The following MALT1 variants were observed in gnomAD, a reference collection of about 807,000 sequenced individuals.
MALT1 encodes the protein mucosa-associated lymphoid tissue lymphoma translocation protein 1.
Under a neutral mutation model 85.5 loss-of-function variants are expected in MALT1, and 36 were observed. That is an observed-to-expected ratio of 0.42 (90% CI 0.32 to 0.56). MALT1 has a LOEUF of 0.56. MALT1 is among the 20% of genes least tolerant of loss of function. The pLI, the probability that MALT1 is intolerant of heterozygous loss-of-function variation, is 0.10. For synonymous variants in MALT1, 359 were observed against 361.3 expected, an observed-to-expected ratio of 0.99 and a Z score of 0.07; for missense variants, 716 against 981.6, an observed-to-expected ratio of 0.73 and a Z score of 3.62.
chr18:58,680,178 T>G (rs1469316965), intron 1 of MALT1, among the ~76,000 whole-genome samples: 1 of 152,236 alleles, frequency 6.6e-6, no homozygotes, highest in Non-Finnish European at 1.5e-5. Flanking sequence ...CAGAGTTTAC[T>G]CTCCATGTAT....
intron 2 of MALT1, among the ~76,000 whole-genome samples, chr18:58,682,390 G>A (rs1236327777): frequency 6.6e-6 from 1 of 152,158 alleles, no homozygotes; most frequent in Non-Finnish European, 1.5e-5. Context: ...AGCAGGTTTG[G>A]CTTCAAGAGA....
At chr18:58,735,097 G>C (rs1487480070) in intron 12 of MALT1, 105 bp from the exon 13 acceptor site, 1 of 967,722 alleles carries the variant, frequency 1.0e-6, no homozygotes, top group Non-Finnish European at 1.5e-6. Flanking sequence ...CCACCATTCT[G>C]CTGGGTGCTT....
intron 1 of MALT1, chr18:58,672,103 G>T: frequency 6.0e-6 from 2 of 331,644 alleles, no homozygotes; most frequent in Admixed American, 4.9e-5. Context: ...CTCGCTCCCT[G>T]TTCCCACCCC....
intron 14 of MALT1, 115 bp downstream of exon 14, chr18:58,742,129 C>T (rs2055310308): frequency 1.5e-6 from 1 of 680,318 alleles, no homozygotes; most frequent in African/African-American, 1.8e-5. Context: ...TTTTGGCCTA[C>T]TAGGCAAATC....
At chr18:58,698,213 C>A (rs1299341835) in intron 3 of MALT1, among the ~76,000 whole-genome samples, 2 of 151,760 alleles carry the variant, frequency 1.3e-5, no homozygotes, top group South Asian at 4.2e-4. Context: ...ATTACAGGCG[C>A]GCATCACCAC....
At chr18:58,692,966 C>T (rs1321827358) in intron 2 of MALT1, among the ~76,000 whole-genome samples, 1 of 152,184 alleles carries the variant, frequency 6.6e-6, no homozygotes, top group Admixed American at 6.5e-5. Context: ...GGCCCTAACT[C>T]GCCTCATTTC....
chr18:58,671,825 C>CG lies in MALT1; in HGVS notation c.186dup (p.Ser63GlufsTer18). On this transcript the variant is annotated frameshift_variant, in exon 1 of 17. Transcript: ENST00000649217. LOFTEE classifies it high-confidence loss of function. The stretch of plus-strand genomic sequence containing the variant: ...GGCTGGAGGAGACTGGCGGAGCTGG[C>CG]GGGGAGTCGCGGGCGCCTCCGCCTC... 4 of 1,230,392 alleles carry CG rather than the reference C, an allele frequency of 3.3e-6. No individual in the cohort carries two copies. Among genetic ancestry groups the CG allele is most frequent in the Non-Finnish European group, 4.1e-6 (4 of 987,110 alleles). The allele number at this position is 1,230,392 out of a possible 1,614,324, so 76.2% of individuals were successfully genotyped here. A position where few individuals can be genotyped will look rare whatever the true frequency, so the allele number is the denominator to read the frequency against.
intron 1 of MALT1, among the ~76,000 whole-genome samples, chr18:58,679,510 T>C (rs747710566): frequency 5.3e-5 from 8 of 152,272 alleles, no homozygotes; most frequent in Admixed American, 6.5e-5. Context: ...CAGGCCATGG[T>C]CCCTGCAATA....
intron 2 of MALT1, among the ~76,000 whole-genome samples, chr18:58,685,331 A>G (rs1490511953): frequency 6.6e-6 from 1 of 152,108 alleles, no homozygotes; most frequent in Admixed American, 6.5e-5. Flanking sequence ...CTTTAGATTT[A>G]TTTTGATTAA....
chr18:58,691,831 C>CCACTG, intron 2 of MALT1, among the ~76,000 whole-genome samples: 1 of 151,772 alleles, frequency 6.6e-6, no homozygotes, highest in East Asian at 1.9e-4. Flanking sequence ...CGAGATTGCG[C>CCACTG]CACTGCACTC....
At chr18:58,740,382 A>G (rs923290850) in intron 13 of MALT1, among the ~76,000 whole-genome samples, 1 of 103,244 alleles carries the variant, frequency 9.7e-6, no homozygotes, top group Non-Finnish European at 2.0e-5. Flanking sequence ...TTCTTTTTCT[A>G]ACATCATCGT....
chr18:58,745,876 C>T, intron 16 of MALT1, 85 bp downstream of exon 16: 2 of 1,235,194 alleles, frequency 1.6e-6, no homozygotes, highest in East Asian at 2.4e-5. Context: ...AGATATGCTG[C>T]CTTATTATTA....
rs1241851908 is a variant in MALT1, at chr18:58,737,179, TA to T, written c.1603+1860del. Among the ~76,000 whole-genome samples the T allele has an allele frequency of 6.0e-5, 9 of 150,536 alleles. No individual in the cohort carries two copies. In the South Asian group the frequency reaches 1.5e-3, roughly 25 times the overall value. On this transcript the variant is annotated intron_variant, in intron 13 of 16. Transcript: ENST00000649217. ...AACACAGCAAGACCCCATCTCAATTTAAAAAAAAAATTATTTGGGGCCAGGT... is the reference window on the plus strand; with the variant it reads ...AACACAGCAAGACCCCATCTCAATTTAAAAAAAAATTATTTGGGGCCAGGT...
chr18:58,737,867 G>A (rs1189127081), intron 13 of MALT1, among the ~76,000 whole-genome samples: 1 of 152,168 alleles, frequency 6.6e-6, no homozygotes, highest in Non-Finnish European at 1.5e-5. Flanking sequence ...ACAGACGTGA[G>A]CCACCACGCC....
chr18:58,740,370 A>C (rs1442573145), intron 13 of MALT1, among the ~76,000 whole-genome samples: 1 of 145,350 alleles, frequency 6.9e-6, no homozygotes, highest in African/African-American at 2.6e-5. Flanking sequence ...TGCATTTATT[A>C]TTTCTTTTTC....
intron 10 of MALT1, among the ~76,000 whole-genome samples, chr18:58,732,764 T>TATATATATATATATATATATATAG (rs1301118510): frequency 6.6e-6 from 1 of 151,878 alleles, no homozygotes; most frequent in African/African-American, 2.4e-5. Flanking sequence ...CCTAGCTGCA[T>TATATATATATATATATATATATAG]TCTTTTTTAT....
intron 14 of MALT1, among the ~76,000 whole-genome samples, chr18:58,743,609 CAAAT>C (rs1157269352): frequency 2.0e-5 from 3 of 151,608 alleles, no homozygotes; most frequent in East Asian, 1.9e-4. Flanking sequence ...ATATTTGTAA[CAAAT>C]AAGAGAAAAA....
chr18:58,688,320 ACACACACG>A (rs764919234), intron 2 of MALT1, among the ~76,000 whole-genome samples: 66 of 142,294 alleles, frequency 4.6e-4, no homozygotes, highest in Non-Finnish European at 7.0e-4. Context: ...ACACACACAC[ACACACACG>A]CTTATTAATA....
Position 58,706,846 on chromosome 18 carries a change from C to G in MALT1, c.650-2532C>G, listed in dbSNP as rs568266471. Among the ~76,000 whole-genome samples the G allele has an allele frequency of 1.2e-3, 186 of 152,184 alleles. 1 individual carries two copies. Among genetic ancestry groups the G allele is most frequent in the Non-Finnish European group, 2.0e-3 (137 of 68,008 alleles). ...TTTATTTATTCCTTTTATAATTGCT[C>G]CCTTGAATTTTTCCTGCTTGGAATT... is the stretch of plus-strand genomic sequence containing the variant. On this transcript the variant is annotated intron_variant, in intron 4 of 16. Coordinates refer to ENST00000649217, the MANE Select transcript of MALT1 (RefSeq NM_006785.4).
Sources: gnomAD v4.1 joint callset for allele counts (sites outside exome capture counted in the v4.1 genomes callset) on GRCh38, gnomAD v4.1.1 for gene constraint, MANE v1.5 for transcripts, NCBI Gene and HGNC (gene_info 2026-07-23, HGNC 2026-07-21) for gene names.